The following INPP5F variants were observed in gnomAD, a reference collection of about 807,000 sequenced individuals.
The protein encoded by INPP5F is inositol polyphosphate-5-phosphatase F.
In INPP5F, 97 loss-of-function variants were observed where a neutral mutation model predicts 137.2. That is an observed-to-expected ratio of 0.71 (90% confidence interval 0.60 to 0.84). The LOEUF (loss-of-function observed/expected upper bound fraction) is 0.84. Among genes scored for constraint, INPP5F ranks in the 40% least tolerant of loss-of-function variants. The probability of loss-of-function intolerance (pLI) is 0.00; values close to 1 mark genes in which losing one functional copy is unlikely to be tolerated. For synonymous variants in INPP5F, 504 were observed against 476.9 expected (o/e 1.06, Z -0.74); for missense variants, 1,271 against 1,371.9 (o/e 0.93, Z 1.16).
rs546835120 is a variant in INPP5F at position 119,731,427 on chromosome 10, G to A, written c.97+5068G>A. 2.0e-5 allele frequency among the ~76,000 whole-genome samples: 3 copies of A among 152,268 alleles called. No homozygotes were observed. In the East Asian group the frequency reaches 5.8e-4, roughly 29 times the overall value. ...GCCTGTAATCCCAGCACTTTGGAAG[G>A]CCGAGGTGGATGGATCACTTGAGGT... On this transcript the variant is annotated intron_variant, in intron 1 of 19. Coordinates refer to ENST00000650623, the MANE Select transcript of INPP5F (RefSeq NM_014937.4).
chr10:119,803,633 T>G (rs976777537), intron 9 of INPP5F, among the ~76,000 whole-genome samples: 5 of 152,216 alleles, frequency 3.3e-5, no homozygotes, highest in African/African-American at 9.6e-5. Context: ...AACTTTTGAG[T>G]TGTTAAGTTC....
Position 119,798,611 on chromosome 10 carries a change from G to C in INPP5F, c.1116+1G>C, listed in dbSNP as rs770975573. 2 of 1,606,518 alleles carry C rather than the reference G, an allele frequency of 1.2e-6. No homozygotes were observed. Among genetic ancestry groups the C allele is most frequent in the African/African-American group, 1.3e-5 (1 of 74,846 alleles). On this transcript the variant is annotated splice_donor_variant, in intron 9 of 19. Transcript: ENST00000650623. LOFTEE classifies it high-confidence loss of function. The stretch of plus-strand genomic sequence containing the variant: ...ACAACTGAACATTTACAAAAAACAG[G>C]TGGGCTTTGATTTACAGTAGTAAAA...
At chr10:119,752,243 G>A (rs1234284400) in intron 2 of INPP5F, among the ~76,000 whole-genome samples, 3 of 152,114 alleles carry the variant, frequency 2.0e-5, no homozygotes, top group East Asian at 1.9e-4. Flanking sequence ...GCAGATGTGC[G>A]GTAAGGTTGT....
chr10:119,740,302 C>G (rs568657085), intron 1 of INPP5F, among the ~76,000 whole-genome samples: 2 of 152,150 alleles, frequency 1.3e-5, no homozygotes, highest in African/African-American at 2.4e-5. Flanking sequence ...CAGTCATGCT[C>G]GATTTACCAT....
At chr10:119,798,099 TG>T (rs1564838391) in intron 8 of INPP5F, among the ~76,000 whole-genome samples, 1 of 152,118 alleles carries the variant, frequency 6.6e-6, no homozygotes. Flanking sequence ...ATTTTAACTT[TG>T]GTCTTGGAAT....
At chr10:119,760,176 T>C (rs113857184) in intron 2 of INPP5F, among the ~76,000 whole-genome samples, 2,078 of 152,316 alleles carry the variant, frequency 0.014, 59 homozygotes, top group African/African-American at 0.048. Flanking sequence ...GCTATTCCAC[T>C]CTCATTCCTT....
intron 2 of INPP5F, among the ~76,000 whole-genome samples, chr10:119,770,943 TGA>T (rs1248837764): frequency 6.6e-6 from 1 of 152,180 alleles, no homozygotes; most frequent in African/African-American, 2.4e-5. Flanking sequence ...ATAAAAAACT[TGA>T]GATTTAATTT....
At chr10:119,780,961 A>T (rs1849680651) in intron 2 of INPP5F, among the ~76,000 whole-genome samples, 1 of 152,204 alleles carries the variant, frequency 6.6e-6, no homozygotes, top group Non-Finnish European at 1.5e-5. Flanking sequence ...GCAGATACCG[A>T]GGGATGGCTG....
chr10:119,760,214 A>T (rs2134140008), intron 2 of INPP5F, among the ~76,000 whole-genome samples: 1 of 152,294 alleles, frequency 6.6e-6, no homozygotes, highest in African/African-American at 2.4e-5. Context: ...ATTTGTTCTT[A>T]AACTCCAGTT....
chr10:119,729,449 T>A lies in INPP5F; in HGVS notation c.97+3090T>A, dbSNP rs150484499. On this transcript the variant is annotated intron_variant, in intron 1 of 19. Transcript: ENST00000650623. Reference sequence around the variant, plus strand: ...GGCTTGACCCACTGCGCCTGGCCTCTTTTTAGGGCTGTTTTGAATATATTT... The same window carrying A: ...GGCTTGACCCACTGCGCCTGGCCTCATTTTAGGGCTGTTTTGAATATATTT... 2.0e-3 allele frequency among the ~76,000 whole-genome samples: 306 copies of A among 152,196 alleles called. 3 individuals are homozygous for A. The highest frequency in any genetic ancestry group is 0.011 in the East Asian group (56 of 5,184).
intron 7 of INPP5F, 39 bp from the exon 8 acceptor site, chr10:119,797,422 T>A: frequency 1.3e-6 from 2 of 1,488,526 alleles, no homozygotes; most frequent in Non-Finnish European, 1.8e-6. Context: ...AAATAAATTT[T>A]TTAAAATGTT....
chr10:119,802,276 C>T (rs529139277), intron 9 of INPP5F, among the ~76,000 whole-genome samples: 4 of 152,162 alleles, frequency 2.6e-5, no homozygotes, highest in Admixed American at 2.0e-4. Flanking sequence ...CAGGATCAGC[C>T]GATATGCTGG....
chr10:119,728,515 T>A (rs983983281), intron 1 of INPP5F, among the ~76,000 whole-genome samples: 4 of 152,260 alleles, frequency 2.6e-5, no homozygotes, highest in Non-Finnish European at 4.4e-5. Context: ...TTAAAATCTT[T>A]CATTGTTTCC....
intron 19 of INPP5F, among the ~76,000 whole-genome samples, chr10:119,825,144 C>A (rs1213663986): frequency 6.6e-6 from 1 of 152,184 alleles, no homozygotes; most frequent in Non-Finnish European, 1.5e-5. Flanking sequence ...CTATTAAACT[C>A]AATTGCCAAG....
intron 6 of INPP5F, among the ~76,000 whole-genome samples, chr10:119,795,133 C>G (rs1208478429): frequency 2.8e-4 from 40 of 143,204 alleles, no homozygotes; most frequent in African/African-American, 1.0e-3. Flanking sequence ...GGGGGGCTGA[C>G]CCCCCCACCT....
At chr10:119,770,712 T>G (rs1849308719) in intron 2 of INPP5F, among the ~76,000 whole-genome samples, 1 of 152,192 alleles carries the variant, frequency 6.6e-6, no homozygotes, top group Non-Finnish European at 1.5e-5. Context: ...CAGTTCATAA[T>G]TTTTCTTTTC....
intron 1 of INPP5F, among the ~76,000 whole-genome samples, chr10:119,733,809 C>T (rs1848151858): frequency 6.6e-6 from 1 of 152,128 alleles, no homozygotes; most frequent in African/African-American, 2.4e-5. Context: ...GGTTCAGGTC[C>T]CCACTTGTCC....
At chr10:119,767,274 G>C (rs183405643) in intron 2 of INPP5F, among the ~76,000 whole-genome samples, 2 of 152,020 alleles carry the variant, frequency 1.3e-5, no homozygotes, top group Non-Finnish European at 2.9e-5. Context: ...TTTAAATGTA[G>C]AATTAAAATA....
At chr10:119,771,876 ATATATATTTTTTTTTTTTTTTTTTT>A (rs1210234282) in intron 2 of INPP5F, among the ~76,000 whole-genome samples, 1 of 20,934 alleles carries the variant, frequency 4.8e-5, no homozygotes, top group Non-Finnish European at 8.0e-5. Flanking sequence ...ATATATATAT[ATATATATTTTTTTTTTTTTTTTTTT>A]TTTTTTTTTT....
Sources: allele counts gnomAD v4.1 joint callset (sites outside exome capture counted in the v4.1 genomes callset), GRCh38; gene constraint gnomAD v4.1.1; transcripts MANE v1.5; gene names NCBI Gene and HGNC (gene_info 2026-07-23, HGNC 2026-07-21).